The following ARID1B variants were observed in gnomAD, a reference collection of about 807,000 sequenced individuals.
The protein encoded by ARID1B is AT-rich interaction domain 1B.
Under a neutral mutation model 212.3 loss-of-function variants are expected in ARID1B, and 30 were observed. The ratio of observed to expected loss-of-function variants is 0.14; its 90% confidence interval spans 0.11 to 0.19. The LOEUF (loss-of-function observed/expected upper bound fraction) is 0.19, where lower values mean the gene tolerates loss of function less well. ARID1B is among the 10% of genes least tolerant of loss of function. ARID1B has a pLI of 1.00. For synonymous variants in ARID1B, 1,402 were observed against 1,301.7 expected (o/e 1.08, Z -1.66); for missense variants, 2,891 against 3,204.0 (o/e 0.90, Z 2.36).
chr6:156,779,443 C>T lies in ARID1B; in HGVS notation c.1763C>T (p.Thr588Ile), dbSNP rs1193612503. ...AGTCACCCGGCGATGAGCCCCGGCA[C>T]CCCCGGACCGACCATGGGCAGATCC... ...QRSHPAMSPG[T>I]PGPTMGRSQG... The change falls in exon 1 of 20, where the codon ACC becomes ATC. Residue 588 changes from threonine (T) to isoleucine (I), a missense_variant. Physicochemically the swap from Thr to Ile is moderately conservative, Grantham distance 89. Coordinates refer to ENST00000636930, the MANE Select transcript of ARID1B (RefSeq NM_001374828.1). The T allele has an allele frequency of 2.7e-6, 4 of 1,457,362 alleles. No homozygotes were observed. The highest frequency in any genetic ancestry group is 2.1e-5 in the Admixed American group (1 of 47,576). 90.3% of individuals were successfully genotyped at this position (1,457,362 alleles called of 1,614,324 possible).
chr6:157,133,518 C>T (rs1317315603), intron 7 of ARID1B, among the ~76,000 whole-genome samples: 1 of 152,224 alleles, frequency 6.6e-6, no homozygotes, highest in Admixed American at 6.5e-5. Context: ...GAAAAAGACA[C>T]AAGCCACGTT....
chr6:156,923,304 C>T (rs773818762), intron 3 of ARID1B, among the ~76,000 whole-genome samples: 17 of 152,234 alleles, frequency 1.1e-4, no homozygotes, highest in Non-Finnish European at 2.1e-4. Context: ...CAACAGTCCT[C>T]GAAATTTATA....
chr6:156,881,007 G>T (rs1467614341), intron 2 of ARID1B, among the ~76,000 whole-genome samples: 2 of 152,164 alleles, frequency 1.3e-5, no homozygotes, highest in African/African-American at 4.8e-5. Flanking sequence ...TTCTGTACTG[G>T]TCTTGTTAGC....
chr6:156,817,083 AAAAAAAAAAG>A (rs1782016023), intron 1 of ARID1B, among the ~76,000 whole-genome samples: 1 of 151,466 alleles, frequency 6.6e-6, no homozygotes, highest in African/African-American at 2.4e-5. Context: ...CTTTAATTAA[AAAAAAAAAAG>A]AAAAAAAAAG....
intron 4 of ARID1B, among the ~76,000 whole-genome samples, chr6:157,001,995 C>T (rs1167587913): frequency 6.6e-6 from 1 of 152,208 alleles, no homozygotes. Context: ...AAAATGTGTC[C>T]ACACAGCTCC....
intron 3 of ARID1B, among the ~76,000 whole-genome samples, chr6:156,914,986 C>T (rs1341631150): frequency 6.6e-6 from 1 of 152,148 alleles, no homozygotes; most frequent in Non-Finnish European, 1.5e-5. Flanking sequence ...ATGTCCCCAG[C>T]ACCTAGGTCA....
At chr6:156,892,911 T>G (rs1788051615) in intron 2 of ARID1B, among the ~76,000 whole-genome samples, 1 of 152,118 alleles carries the variant, frequency 6.6e-6, no homozygotes, top group South Asian at 2.1e-4. Context: ...ATAAAAACAA[T>G]AAGTCTTTCA....
Position 157,190,015 on chromosome 6 carries a change from T to TG in ARID1B, c.4059-23_4059-22insG. 6.2e-7 allele frequency: 1 copy of TG among 1,611,686 alleles called. No homozygotes were observed. Among genetic ancestry groups the TG allele is most frequent in the South Asian group, 1.1e-5 (1 of 90,578 alleles). ...GGTAACTCCTGCTGTATCATTAAGC[T>TG]TTCATTCTTTGCCTCTCTTCAGAAG... On this transcript the variant is annotated intron_variant, in intron 14 of 19. Coordinates refer to ENST00000636930, the MANE Select transcript of ARID1B (RefSeq NM_001374828.1). The surrounding 1 kb of genome is among the most constrained non-coding windows in gnomAD (Gnocchi z 4.6).
intron 4 of ARID1B, among the ~76,000 whole-genome samples, chr6:157,007,058 A>G (rs1779291634): frequency 6.6e-6 from 1 of 152,240 alleles, no homozygotes; most frequent in Non-Finnish European, 1.5e-5. Context: ...GAAATAATCC[A>G]AAATGTTGGG....
intron 2 of ARID1B, among the ~76,000 whole-genome samples, chr6:156,872,580 C>G (rs1338498205): frequency 1.3e-5 from 2 of 152,202 alleles, no homozygotes. Context: ...CTCAGCCTCC[C>G]AAAGTGCTGA....
chr6:157,189,921 A>G lies in ARID1B; in HGVS notation c.4059-117A>G, dbSNP rs1474532978. On this transcript the variant is annotated intron_variant, in intron 14 of 19. Transcript: ENST00000636930. ...GATGACTGCCAGTTTTCTTCATGTCATTTATCTTGAATGGTTTTTGCATTT... is the reference window on the plus strand; with the variant it reads ...GATGACTGCCAGTTTTCTTCATGTCGTTTATCTTGAATGGTTTTTGCATTT... 4 of 1,574,476 alleles carry G rather than the reference A, an allele frequency of 2.5e-6. No homozygotes were observed. In the East Asian group the frequency reaches 6.7e-5, roughly 26 times the overall value.
At chr6:156,816,774 G>T (rs539263081) in intron 1 of ARID1B, among the ~76,000 whole-genome samples, 1 of 152,314 alleles carries the variant, frequency 6.6e-6, no homozygotes, top group African/African-American at 2.4e-5. Context: ...TACAGGGCGG[G>T]CTGAGGCCTG....
At chr6:157,056,482 C>CTTA (rs1782962433) in intron 4 of ARID1B, among the ~76,000 whole-genome samples, 1 of 152,206 alleles carries the variant, frequency 6.6e-6, no homozygotes, top group Non-Finnish European at 1.5e-5. Flanking sequence ...TAAGTAATTT[C>CTTA]TTACTACAGG....
chr6:157,127,039 A>T (rs941729477), intron 6 of ARID1B, among the ~76,000 whole-genome samples: 1 of 152,382 alleles, frequency 6.6e-6, no homozygotes, highest in Admixed American at 6.5e-5. Flanking sequence ...ATTTCTTGGG[A>T]AACATTTTAA....
chr6:156,876,316 C>A (rs1051954375), intron 2 of ARID1B, among the ~76,000 whole-genome samples: 21 of 152,156 alleles, frequency 1.4e-4, no homozygotes, highest in African/African-American at 4.6e-4. Flanking sequence ...CAGCCTCACC[C>A]ATCCGGCCCT....
intron 6 of ARID1B, among the ~76,000 whole-genome samples, chr6:157,126,970 A>C (rs1583355190): frequency 6.6e-6 from 1 of 152,252 alleles, no homozygotes; most frequent in South Asian, 2.1e-4. Context: ...GAAAAAAGCA[A>C]GATGCAATCA....
At chr6:156,883,362 C>G (rs1172891347) in intron 2 of ARID1B, among the ~76,000 whole-genome samples, 3 of 152,204 alleles carry the variant, frequency 2.0e-5, no homozygotes, top group African/African-American at 7.2e-5. Context: ...ACTTGGTGAT[C>G]TGAGAGCTCC....
At chr6:156,962,127 G>A (rs975580177) in intron 4 of ARID1B, among the ~76,000 whole-genome samples, 1 of 151,872 alleles carries the variant, frequency 6.6e-6, no homozygotes, top group East Asian at 1.9e-4. Flanking sequence ...GTGAAACCTC[G>A]TCTCTACTAA....
intron 2 of ARID1B, among the ~76,000 whole-genome samples, chr6:156,892,194 A>T (rs2128189716): frequency 6.6e-6 from 1 of 151,892 alleles, no homozygotes; most frequent in East Asian, 1.9e-4. Flanking sequence ...CCGGCCTCAT[A>T]CTTTTTCTTA....
Sources: allele counts gnomAD v4.1 joint callset (sites outside exome capture counted in the v4.1 genomes callset), GRCh38; gene constraint gnomAD v4.1.1; non-coding constraint Gnocchi (gnomAD v3.1); transcripts MANE v1.5; gene names NCBI Gene and HGNC (gene_info 2026-07-23, HGNC 2026-07-21).